The following BTBD9 variants were observed in gnomAD, a reference collection of about 807,000 sequenced individuals.
The protein encoded by BTBD9 is BTB domain containing 9.
In BTBD9, 49 loss-of-function variants were observed where a neutral mutation model predicts 64.3. The ratio of observed to expected loss-of-function variants is 0.76; its 90% CI spans 0.61 to 0.97. The LOEUF is 0.97. BTBD9 is among the 50% of genes least tolerant of loss of function. The pLI is 0.00. For missense variants in BTBD9, 598 were observed against 762.1 expected (o/e 0.78, Z 2.53); for synonymous variants, 260 against 274.7 (o/e 0.95, Z 0.53).
At chr6:38,527,310 G>A (rs1344212451) in intron 6 of BTBD9, among the ~76,000 whole-genome samples, 2 of 143,780 alleles carry the variant, frequency 1.4e-5, no homozygotes, top group African/African-American at 5.2e-5. Flanking sequence ...GTGATTTGGT[G>A]GGGGCCAGGG....
chr6:38,565,501 C>T (rs928962800), intron 6 of BTBD9, among the ~76,000 whole-genome samples: 1 of 152,132 alleles, frequency 6.6e-6, no homozygotes, highest in African/African-American at 2.4e-5. Flanking sequence ...AAACTCTATC[C>T]TTTGAGGCTA....
intron 6 of BTBD9, among the ~76,000 whole-genome samples, chr6:38,352,102 C>T (rs1764539869): frequency 6.6e-6 from 1 of 152,046 alleles, no homozygotes; most frequent in East Asian, 1.9e-4. Context: ...AGGGGTCAGG[C>T]ACTGTAGCTC....
At chr6:38,480,573 G>A (rs1374417726) in intron 6 of BTBD9, among the ~76,000 whole-genome samples, 1 of 152,158 alleles carries the variant, frequency 6.6e-6, no homozygotes, top group Admixed American at 6.5e-5. Flanking sequence ...CTGGGACCCT[G>A]AGACTACCTC....
At chr6:38,417,800 G>GAAA (rs10694538) in intron 6 of BTBD9, among the ~76,000 whole-genome samples, 44 of 143,038 alleles carry the variant, frequency 3.1e-4, no homozygotes, top group African/African-American at 1.2e-3. Context: ...GAGAGAGAGA[G>GAAA]AAAAAAAATA....
At chr6:38,496,194 AGGAAAGAAAG>A (rs1370063714) in intron 6 of BTBD9, among the ~76,000 whole-genome samples, 1 of 152,204 alleles carries the variant, frequency 6.6e-6, no homozygotes, top group Non-Finnish European at 1.5e-5. Flanking sequence ...ACACGACTGA[AGGAAAGAAAG>A]GGCATCCTTC....
intron 6 of BTBD9, among the ~76,000 whole-genome samples, chr6:38,487,577 C>A (rs1188133113): frequency 9.0e-6 from 1 of 110,978 alleles, no homozygotes; most frequent in Non-Finnish European, 1.8e-5. Context: ...GCGAGAGAGA[C>A]AGAGAGAGAG....
chr6:38,608,484 G>T (rs1777501036), intron 1 of BTBD9, among the ~76,000 whole-genome samples: 1 of 152,112 alleles, frequency 6.6e-6, no homozygotes, highest in Non-Finnish European at 1.5e-5. Context: ...TAAATTATAT[G>T]ATATTTTCCT....
chr6:38,487,594 AGAGAG>A (rs534408755), intron 6 of BTBD9, among the ~76,000 whole-genome samples: 5,820 of 39,206 alleles, frequency 0.15, 420 homozygotes, highest in East Asian at 0.33. Context: ...AGAGTCAGCG[AGAGAG>A]AGAGAGAGAG....
At chr6:38,532,046 GA>G (rs1376531351) in intron 6 of BTBD9, among the ~76,000 whole-genome samples, 15 of 152,298 alleles carry the variant, frequency 9.8e-5, no homozygotes, top group African/African-American at 3.4e-4. Context: ...TGCTAAAGAG[GA>G]TAGGTGTTGA....
At position 38,373,017 on chromosome 6, in the gene BTBD9, G is replaced by T. The variant is rs115679787; in HGVS notation, c.1155-27924C>A. Among the ~76,000 whole-genome samples, 922 of 152,132 alleles carry T rather than the reference G, an allele frequency of 6.1e-3. 7 individuals carry two copies. Among genetic ancestry groups the T allele is most frequent in the African/African-American group, 0.02 (847 of 41,498 alleles). The stretch of plus-strand genomic sequence containing the variant: ...GGAAGAGAGTGAGGTCCTTTTATTG[G>T]TTTTTCTGCAGTTTGAGGGCTGCTG... On this transcript the variant is annotated intron_variant, in intron 6 of 10. Coordinates refer to ENST00000481247, the MANE Select transcript of BTBD9 (RefSeq NM_001099272.2).
intron 7 of BTBD9, among the ~76,000 whole-genome samples, chr6:38,338,984 G>A (rs1320951444): frequency 6.6e-6 from 1 of 152,104 alleles, no homozygotes; most frequent in Non-Finnish European, 1.5e-5. Context: ...AAGGCTGTGG[G>A]GAAACAGTCT....
intron 9 of BTBD9, among the ~76,000 whole-genome samples, chr6:38,225,900 T>C (rs1431753749): frequency 6.6e-6 from 1 of 152,216 alleles, no homozygotes; most frequent in Admixed American, 6.5e-5. Flanking sequence ...AAGGCAGATA[T>C]GACACACACA....
intron 6 of BTBD9, among the ~76,000 whole-genome samples, chr6:38,568,334 T>A (rs1202357430): frequency 1.3e-5 from 2 of 152,234 alleles, no homozygotes; most frequent in Non-Finnish European, 2.9e-5. Context: ...TCCCTCCATC[T>A]TCTTGGTCAT....
At chr6:38,570,130 C>T (rs1192159353) in intron 6 of BTBD9, among the ~76,000 whole-genome samples, 1 of 151,904 alleles carries the variant, frequency 6.6e-6, no homozygotes, top group African/African-American at 2.4e-5. Context: ...AGAAAATATC[C>T]CCGGTTGTTC....
chr6:38,300,968 T>A (rs1582191461), intron 7 of BTBD9, among the ~76,000 whole-genome samples: 1 of 152,140 alleles, frequency 6.6e-6, no homozygotes, highest in South Asian at 2.1e-4. Context: ...CCAGTTTTTG[T>A]CCATTCAGTA....
At chr6:38,399,599 T>C (rs1443166611) in intron 6 of BTBD9, among the ~76,000 whole-genome samples, 1 of 151,844 alleles carries the variant, frequency 6.6e-6, no homozygotes, top group Non-Finnish European at 1.5e-5. Flanking sequence ...TATCCAAGAA[T>C]CCATCTATTC....
chr6:38,196,537 C>T (rs1439291183), intron 9 of BTBD9, among the ~76,000 whole-genome samples: 1 of 152,160 alleles, frequency 6.6e-6, no homozygotes, highest in Admixed American at 6.5e-5. Flanking sequence ...CCCATCAGCA[C>T]CCATGTCTTG....
intron 7 of BTBD9, among the ~76,000 whole-genome samples, chr6:38,319,569 G>A (rs1763157186): frequency 6.6e-6 from 1 of 152,000 alleles, no homozygotes; most frequent in Admixed American, 6.5e-5. Context: ...CCCAGGGCGT[G>A]ACTAGAAATG....
intron 7 of BTBD9, among the ~76,000 whole-genome samples, chr6:38,335,768 C>A (rs1763869491): frequency 6.6e-6 from 1 of 152,052 alleles, no homozygotes; most frequent in African/African-American, 2.4e-5. Context: ...GAGTCTCACT[C>A]TGTTGCCCAG....
Sources: gnomAD v4.1 joint callset for allele counts (sites outside exome capture counted in the v4.1 genomes callset) on GRCh38, gnomAD v4.1.1 for gene constraint, MANE v1.5 for transcripts, NCBI Gene and HGNC (gene_info 2026-07-23, HGNC 2026-07-21) for gene names.